NRXN1: variants seen among roughly 807,000 people sequenced by gnomAD.
The protein encoded by NRXN1 is neurexin-1.
NRXN1 carries 39 observed loss-of-function variants against 150.9 expected under a neutral mutation model. The ratio of observed to expected loss-of-function variants is 0.26; its 90% CI spans 0.20 to 0.34. NRXN1 has a LOEUF of 0.34. Among genes scored for constraint, NRXN1 ranks in the 10% least tolerant of loss-of-function variants. The pLI, the probability that NRXN1 is intolerant of heterozygous loss-of-function variation, is 1.00. For synonymous variants in NRXN1, 924 were observed against 757.0 expected (o/e 1.22, Z -3.62); for missense variants, 1,815 against 1,949.9 (o/e 0.93, Z 1.30).
At chr2:50,146,617 C>T (rs778803702) in intron 18 of NRXN1, among the ~76,000 whole-genome samples, 3 of 151,606 alleles carry the variant, frequency 2.0e-5, no homozygotes, top group African/African-American at 7.3e-5. Context: ...AACAATGAGG[C>T]TTTCAATTAA....
chr2:49,933,295 C>T (rs1356098989), intron 22 of NRXN1, among the ~76,000 whole-genome samples: 1 of 151,982 alleles, frequency 6.6e-6, no homozygotes, highest in Non-Finnish European at 1.5e-5. Flanking sequence ...ACCGTGTTAG[C>T]CAGGATGGTC....
intron 5 of NRXN1, among the ~76,000 whole-genome samples, chr2:50,694,191 A>G (rs1016418119): frequency 6.6e-6 from 1 of 152,188 alleles, no homozygotes; most frequent in Non-Finnish European, 1.5e-5. Flanking sequence ...ATAGAAACGT[A>G]TGAATTGTTA....
At chr2:50,833,807 T>C (rs1189224193) in intron 5 of NRXN1, among the ~76,000 whole-genome samples, 1 of 152,140 alleles carries the variant, frequency 6.6e-6, no homozygotes, top group Non-Finnish European at 1.5e-5. Context: ...TATGTTAATT[T>C]AAAAAAATCT....
At chr2:49,964,839 C>T (rs1016661423) in intron 21 of NRXN1, among the ~76,000 whole-genome samples, 3 of 151,992 alleles carry the variant, frequency 2.0e-5, no homozygotes, top group African/African-American at 4.8e-5. Context: ...AAAAGTCCAT[C>T]TCAAAAAATA....
intron 2 of NRXN1, among the ~76,000 whole-genome samples, chr2:50,997,277 T>C (rs759944424): frequency 2.0e-4 from 30 of 151,664 alleles, no homozygotes; most frequent in Non-Finnish European, 4.1e-4. Flanking sequence ...CTACAAAAAA[T>C]AGAAAAATTA....
chr2:50,764,218 G>C (rs1702139845), intron 5 of NRXN1, among the ~76,000 whole-genome samples: 1 of 151,772 alleles, frequency 6.6e-6, no homozygotes, highest in Non-Finnish European at 1.5e-5. Context: ...TGTGGCTCTG[G>C]GGACACACTG....
intron 19 of NRXN1, among the ~76,000 whole-genome samples, chr2:50,057,447 G>T (rs1693829142): frequency 6.6e-6 from 1 of 152,102 alleles, no homozygotes; most frequent in South Asian, 2.1e-4. Flanking sequence ...ATGTCATCAG[G>T]TTACATTAGG....
At chr2:50,480,142 T>C (rs1184295030) in intron 15 of NRXN1, among the ~76,000 whole-genome samples, 1 of 152,190 alleles carries the variant, frequency 6.6e-6, no homozygotes, top group Admixed American at 6.5e-5. Context: ...TTCAATGGCA[T>C]ATTTTTTCCC....
chr2:50,750,215 C>T (rs1700436480), intron 5 of NRXN1, among the ~76,000 whole-genome samples: 1 of 151,988 alleles, frequency 6.6e-6, no homozygotes, highest in South Asian at 2.1e-4. Context: ...AACTACATCT[C>T]ACATAATTTG....
intron 21 of NRXN1, among the ~76,000 whole-genome samples, chr2:50,019,903 G>C (rs1277931360): frequency 1.5e-5 from 2 of 131,918 alleles, no homozygotes; most frequent in Admixed American, 1.7e-4. Context: ...AGCCGAGATC[G>C]CGCCACTGCA....
chr2:50,951,616 C>T (rs1558478975), intron 2 of NRXN1, among the ~76,000 whole-genome samples: 1 of 151,742 alleles, frequency 6.6e-6, no homozygotes. Context: ...AAAATGTCAC[C>T]AACTGTAACA....
chr2:50,288,302 T>C (rs1390310390), intron 17 of NRXN1, among the ~76,000 whole-genome samples: 1 of 152,008 alleles, frequency 6.6e-6, no homozygotes, highest in Non-Finnish European at 1.5e-5. Context: ...GAAGTGCCAC[T>C]AGCATCTAGT....
chr2:50,332,037 T>G (rs2076870302), intron 17 of NRXN1, among the ~76,000 whole-genome samples: 1 of 152,214 alleles, frequency 6.6e-6, no homozygotes, highest in African/African-American at 2.4e-5. Context: ...TTTTAAGAAT[T>G]AAAATTTAAT....
At chr2:50,278,245 T>TATATATATATA (rs2070850140) in intron 17 of NRXN1, among the ~76,000 whole-genome samples, 1 of 124,392 alleles carries the variant, frequency 8.0e-6, no homozygotes, top group South Asian at 2.2e-4. Context: ...ATATATAATA[T>TATATATATATA]ATATATATAT....
At chr2:50,087,890 T>C (rs1183750922) in intron 19 of NRXN1, among the ~76,000 whole-genome samples, 1 of 152,160 alleles carries the variant, frequency 6.6e-6, no homozygotes, top group Non-Finnish European at 1.5e-5. Flanking sequence ...TGCTACCAGA[T>C]GAATTGCTTC....
At position 50,949,561 on chromosome 2, in the gene NRXN1, C is replaced by T. The variant is rs1690960902; in HGVS notation, c.773-23606G>A. 2.0e-5 allele frequency among the ~76,000 whole-genome samples: 3 copies of T among 152,080 alleles called. No individual in the cohort carries two copies. In the South Asian group the frequency reaches 6.2e-4, roughly 32 times the overall value. On this transcript the variant is annotated intron_variant, in intron 2 of 22. Coordinates refer to ENST00000401669, the MANE Select transcript of NRXN1 (RefSeq NM_001330078.2). The stretch of plus-strand genomic sequence containing the variant: ...AGAATGAAAAAATCATTCTCACTCT[C>T]ATTCTTCCTAGTGCAATCCAGACAT...
chr2:50,902,501 C>T (rs368131325), intron 5 of NRXN1, among the ~76,000 whole-genome samples: 1 of 152,126 alleles, frequency 6.6e-6, no homozygotes, highest in African/African-American at 2.4e-5. Flanking sequence ...GAAAACACTA[C>T]CAGTGAAACA....
chr2:50,176,578 C>A (rs900566127), intron 18 of NRXN1, among the ~76,000 whole-genome samples: 1 of 152,068 alleles, frequency 6.6e-6, no homozygotes, highest in African/African-American at 2.4e-5. Context: ...TGAAAACTAT[C>A]TAGGCCAAAA....
intron 17 of NRXN1, among the ~76,000 whole-genome samples, chr2:50,280,274 T>C (rs1371613204): frequency 1.7e-5 from 1 of 58,292 alleles, no homozygotes; most frequent in African/African-American, 4.7e-5. Flanking sequence ...CAAGAATCAG[T>C]CTCAAAAAAA....
Sources: gnomAD v4.1 joint callset for allele counts (sites outside exome capture counted in the v4.1 genomes callset) on GRCh38, gnomAD v4.1.1 for gene constraint, MANE v1.5 for transcripts, NCBI Gene and HGNC (gene_info 2026-07-23, HGNC 2026-07-21) for gene names.